SSPN: variants seen among roughly 807,000 people sequenced by gnomAD.
The protein encoded by SSPN is K-ras oncogene-associated protein.
SSPN carries 15 observed loss-of-function variants against 19.1 expected under a neutral mutation model. The observed-to-expected ratio is 0.78, with a 90% CI of 0.52 to 1.21. The LOEUF is 1.21. Ranked by LOEUF, SSPN falls within the 50% of genes most tolerant of loss-of-function variation. SSPN has a pLI of 0.00. For synonymous variants in SSPN, 147 were observed against 140.3 expected (o/e 1.05, Z -0.34); for missense variants, 291 against 314.0 (o/e 0.93, Z 0.55).
intron 1 of SSPN, among the ~76,000 whole-genome samples, chr12:26,209,328 G>T: frequency 6.6e-6 from 1 of 151,952 alleles, no homozygotes; most frequent in African/African-American, 2.4e-5. Context: ...TGAATGCTTG[G>T]GAAAAATGTG....
At chr12:26,189,880 T>C (rs1449286456) in intron 1 of SSPN, among the ~76,000 whole-genome samples, 1 of 152,198 alleles carries the variant, frequency 6.6e-6, no homozygotes, top group Non-Finnish European at 1.5e-5. Context: ...TGAGGCACTT[T>C]TGGAACTTTT....
intron 1 of SSPN, among the ~76,000 whole-genome samples, chr12:26,142,063 G>A (rs951065121): frequency 5.3e-5 from 8 of 152,162 alleles, no homozygotes; most frequent in Non-Finnish European, 8.8e-5. Context: ...GTTGTTGGAG[G>A]TTGTGAAAGA....
chr12:26,202,018 G>A (rs1313519441), intron 1 of SSPN, among the ~76,000 whole-genome samples: 1 of 152,116 alleles, frequency 6.6e-6, no homozygotes, highest in Non-Finnish European at 1.5e-5. Context: ...AGATACTCAA[G>A]TCCCTGCTAT....
intron 1 of SSPN, among the ~76,000 whole-genome samples, chr12:26,197,063 T>C (rs1027669225): frequency 2.0e-5 from 3 of 152,224 alleles, no homozygotes; most frequent in Admixed American, 1.3e-4. Flanking sequence ...AGAAGTTAGA[T>C]GACATTCTCA....
intron 1 of SSPN, among the ~76,000 whole-genome samples, chr12:26,172,276 G>T (rs1944657844): frequency 6.6e-6 from 1 of 152,074 alleles, no homozygotes; most frequent in Non-Finnish European, 1.5e-5. Flanking sequence ...TCAAGCATAT[G>T]GTAAAAATGT....
Position 26,173,144 on chromosome 12 carries a change from C to T in SSPN, c.-31+50992C>T, listed in dbSNP as rs147514234. Reference sequence around the variant, plus strand: ...CACAGGGACAGGATATAATGGCTGACGGGCTTCTGGGTGATTTCCAACTTC... The same window carrying T: ...CACAGGGACAGGATATAATGGCTGATGGGCTTCTGGGTGATTTCCAACTTC... On this transcript the variant is annotated intron_variant, in intron 1 of 2. Transcript: ENST00000538142. Among the ~76,000 whole-genome samples the T allele has an allele frequency of 3.2e-4, 48 of 152,264 alleles. No homozygotes were observed. In the East Asian group the frequency reaches 6.6e-3, roughly 21 times the overall value.
chr12:26,210,835 CT>C (rs1455953974), intron 1 of SSPN, among the ~76,000 whole-genome samples: 2 of 152,010 alleles, frequency 1.3e-5, no homozygotes, highest in Non-Finnish European at 2.9e-5. Context: ...GAAATGAAAC[CT>C]TTTGATGCTT....
chr12:26,227,198 T>C (rs763897361), intron 2 of SSPN, among the ~76,000 whole-genome samples: 2 of 152,180 alleles, frequency 1.3e-5, no homozygotes, highest in Admixed American at 1.3e-4. Flanking sequence ...AGCTTGTTGC[T>C]GTCAGATGAG....
At chr12:26,152,983 C>G (rs1370562206) in intron 1 of SSPN, among the ~76,000 whole-genome samples, 2 of 152,176 alleles carry the variant, frequency 1.3e-5, no homozygotes, top group Non-Finnish European at 2.9e-5. Context: ...AGCACTTGTT[C>G]CCTCTGCCAG....
intron 1 of SSPN, among the ~76,000 whole-genome samples, chr12:26,171,889 A>G (rs1321899572): frequency 6.6e-6 from 1 of 152,194 alleles, no homozygotes; most frequent in African/African-American, 2.4e-5. Context: ...ATCAGAAGCC[A>G]AGGCTTCACC....
intron 1 of SSPN, among the ~76,000 whole-genome samples, chr12:26,211,913 A>G (rs1212281600): frequency 6.6e-6 from 1 of 152,208 alleles, no homozygotes; most frequent in East Asian, 1.9e-4. Context: ...ATTAGAAAGC[A>G]TGTATCTAGC....
At chr12:26,185,504 G>T (rs1944747882) in intron 1 of SSPN, among the ~76,000 whole-genome samples, 1 of 152,114 alleles carries the variant, frequency 6.6e-6, no homozygotes, top group Non-Finnish European at 1.5e-5. Context: ...ACCTTGTACT[G>T]GTCTGATTAT....
At chr12:26,134,378 A>T (rs781587106) in intron 1 of SSPN, among the ~76,000 whole-genome samples, 1 of 152,160 alleles carries the variant, frequency 6.6e-6, no homozygotes, top group African/African-American at 2.4e-5. Context: ...GTCTCCTTCT[A>T]TCAGCTCCCT....
chr12:26,143,833 C>T (rs906478039), intron 1 of SSPN, among the ~76,000 whole-genome samples: 5 of 152,164 alleles, frequency 3.3e-5, no homozygotes, highest in South Asian at 2.1e-4. Flanking sequence ...CTTGCATTGC[C>T]GCCTGAGCTC....
intron 1 of SSPN, chr12:26,124,076 A>G: frequency 6.3e-7 from 1 of 1,598,842 alleles, no homozygotes; most frequent in Non-Finnish European, 8.6e-7. Context: ...TCTTACTGTC[A>G]ATTTCAGATG....
intron 1 of SSPN, among the ~76,000 whole-genome samples, chr12:26,203,890 T>C (rs548663137): frequency 6.6e-6 from 1 of 152,188 alleles, no homozygotes; most frequent in African/African-American, 2.4e-5. Flanking sequence ...TCTCAGTTCA[T>C]GCATGTGAAG....
chr12:26,181,815 C>G (rs1192836649), intron 1 of SSPN, among the ~76,000 whole-genome samples: 1 of 152,100 alleles, frequency 6.6e-6, no homozygotes, highest in Non-Finnish European at 1.5e-5. Flanking sequence ...AACAGGAGGT[C>G]AAAGATTGCT....
At chr12:26,206,172 C>T (rs1944929521) in intron 1 of SSPN, among the ~76,000 whole-genome samples, 2 of 152,250 alleles carry the variant, frequency 1.3e-5, no homozygotes, top group South Asian at 4.1e-4. Context: ...GTCTGGCTAA[C>T]CCGTGTTGCC....
At chr12:26,124,745 T>C in intron 1 of SSPN, 1 of 1,614,210 alleles carries the variant, frequency 6.2e-7, no homozygotes, top group African/African-American at 1.3e-5. Flanking sequence ...TTCCAGTAAC[T>C]GTCTCTCTTG....
Sources: gnomAD v4.1 joint callset for allele counts (sites outside exome capture counted in the v4.1 genomes callset) on GRCh38, gnomAD v4.1.1 for gene constraint, MANE v1.5 for transcripts, NCBI Gene and HGNC (gene_info 2026-07-23, HGNC 2026-07-21) for gene names.